CAPN13: variants seen among roughly 807,000 people sequenced by gnomAD.
CAPN13 encodes calpain-13.
In CAPN13, 90 loss-of-function variants were observed where a neutral mutation model predicts 98.4. The observed-to-expected ratio is 0.92, with a 90% CI of 0.77 to 1.09. The LOEUF (loss-of-function observed/expected upper bound fraction) is 1.09, where lower values mean the gene tolerates loss of function less well. Among genes scored for constraint, CAPN13 ranks in the 50% least tolerant of loss-of-function variants. The pLI is 0.00. For synonymous variants in CAPN13, 330 were observed against 305.5 expected (o/e 1.08, Z -0.84); for missense variants, 887 against 841.3 (o/e 1.05, Z -0.67).
chr2:30,758,982 T>A (rs111206634), intron 7 of CAPN13, among the ~76,000 whole-genome samples: 2,002 of 124,436 alleles, frequency 0.016, 42 homozygotes, highest in East Asian at 0.12. Context: ...TTTCCTTTCT[T>A]CCCCCCTTGC....
At chr2:30,746,440 G>A (rs904616487) in intron 11 of CAPN13, 1 of 154,216 alleles carries the variant, frequency 6.5e-6, no homozygotes, top group Non-Finnish European at 1.4e-5. Flanking sequence ...TTTTACAAAC[G>A]TTACTTATAT....
chr2:30,756,092 G>A (rs1209287012), intron 8 of CAPN13, among the ~76,000 whole-genome samples: 1 of 152,022 alleles, frequency 6.6e-6, no homozygotes, highest in Non-Finnish European at 1.5e-5. Flanking sequence ...AGATCCAACA[G>A]AACAGGTTCT....
chr2:30,725,685 C>A (rs61367478), intron 22 of CAPN13, among the ~76,000 whole-genome samples: 183 of 152,258 alleles, frequency 1.2e-3, no homozygotes, highest in African/African-American at 4.4e-3. Flanking sequence ...TGGATCGAAT[C>A]CTGGCTAACG....
intron 9 of CAPN13, among the ~76,000 whole-genome samples, chr2:30,753,921 C>A (rs1037504333): frequency 3.9e-5 from 6 of 152,156 alleles, no homozygotes; most frequent in African/African-American, 1.4e-4. Context: ...TTTTTGACGT[C>A]ATGCTAGAGG....
At chr2:30,747,597 G>A (rs1468677452) in intron 11 of CAPN13, among the ~76,000 whole-genome samples, 1 of 152,188 alleles carries the variant, frequency 6.6e-6, no homozygotes, top group East Asian at 1.9e-4. Flanking sequence ...AGGTCTGGTT[G>A]GACATAAAGC....
chr2:30,740,082 GTTTTTTTTTTT>G (rs143581068), intron 15 of CAPN13, among the ~76,000 whole-genome samples: 2 of 121,406 alleles, frequency 1.6e-5, no homozygotes, highest in African/African-American at 3.1e-5. Context: ...ATTGTATTAG[GTTTTTTTTTTT>G]TTTTTTTTTT....
Position 30,770,411 on chromosome 2 carries a change from A to G in CAPN13, c.426T>C (p.Asp142=). The G allele has an allele frequency of 1.2e-6, 2 of 1,614,032 alleles. No individual in the cohort carries two copies. Among genetic ancestry groups the G allele is most frequent in the African/African-American group, 1.3e-5 (1 of 75,076 alleles). ...QCGQWVEVVI[D]DRLPVQGDKC... is the part of the protein sequence containing the mutation. ...TATCTCCCTGGACAGGTAGGCGGTC[A>G]TCAATCACCACTTCCACCCACTGGC... is the stretch of plus-strand genomic sequence containing the variant. Residue 142 remains aspartate, a synonymous_variant, in exon 5 of 23, where the codon GAT becomes GAC. Coordinates refer to ENST00000295055, the MANE Select transcript of CAPN13 (RefSeq NM_144575.3).
chr2:30,758,963 TTC>T (rs144117237), intron 7 of CAPN13, among the ~76,000 whole-genome samples: 21,830 of 132,196 alleles, frequency 0.17, 2,034 homozygotes, highest in East Asian at 0.23. Context: ...CCCTCCTTCC[TTC>T]TGTTTCTTTC....
intron 7 of CAPN13, among the ~76,000 whole-genome samples, chr2:30,762,252 A>C (rs1479794466): frequency 1.3e-5 from 2 of 152,192 alleles, no homozygotes; most frequent in African/African-American, 4.8e-5. Context: ...GTTGTGCTTC[A>C]GTAGTATTTT....
intron 1 of CAPN13, among the ~76,000 whole-genome samples, chr2:30,799,720 G>A (rs974170178): frequency 6.6e-6 from 1 of 152,036 alleles, no homozygotes; most frequent in Non-Finnish European, 1.5e-5. Context: ...ATCCACCGAG[G>A]GCCAGGGAAG....
At position 30,753,181 on chromosome 2, in the gene CAPN13, A is replaced by G. The variant is rs746793788; in HGVS notation, c.959T>C (p.Phe320Ser). ...AAACATGGCGATGAATTTCTGTTGGAAATCTTGACACGACATCCTGTTAAA... is the reference window on the plus strand; with the variant it reads ...AAACATGGCGATGAATTTCTGTTGGGAATCTTGACACGACATCCTGTTAAA... ...DGEFWMSCQDFQQKFIAMFIC... is the reference protein window; with the variant it reads ...DGEFWMSCQDSQQKFIAMFIC... Residue 320 changes from phenylalanine (F) to serine (S), a missense_variant, in exon 10 of 23, where the codon TTC becomes TCC. Phe to Ser is a radical substitution (Grantham distance 155, BLOSUM62 -2). Coordinates refer to ENST00000295055, the MANE Select transcript of CAPN13 (RefSeq NM_144575.3). 9.3e-6 allele frequency: 15 copies of G among 1,614,048 alleles called. No individual in the cohort carries two copies. The Admixed American group carries it at 2.5e-4, about 27-fold the overall frequency.
chr2:30,771,252 C>T (rs1558326695), intron 4 of CAPN13, among the ~76,000 whole-genome samples: 2 of 152,194 alleles, frequency 1.3e-5, no homozygotes, highest in Non-Finnish European at 2.9e-5. Flanking sequence ...CCCCTGTGTA[C>T]GAGAAGCAGC....
At chr2:30,724,086 G>A (rs752120107) in intron 22 of CAPN13, among the ~76,000 whole-genome samples, 91 of 152,206 alleles carry the variant, frequency 6.0e-4, no homozygotes, top group African/African-American at 2.0e-3. Context: ...ATGGGGTGGG[G>A]TTGCTTCTAA....
intron 12 of CAPN13, 27 bp downstream of exon 12, chr2:30,745,696 C>G (rs1162482006): frequency 6.3e-7 from 1 of 1,596,194 alleles, no homozygotes; most frequent in African/African-American, 1.3e-5. Flanking sequence ...AGCAGAGGCG[C>G]AGGGCAAGGA....
At position 30,738,259 on chromosome 2, in the gene CAPN13, G is replaced by A. The variant is rs558727209; in HGVS notation, c.1629C>T (p.Cys543=). 1 of 1,613,992 alleles carries A rather than the reference G, an allele frequency of 6.2e-7. No homozygotes were observed. Among genetic ancestry groups the A allele is most frequent in the Non-Finnish European group, 8.5e-7 (1 of 1,179,876 alleles). ...PPGDMFSLDE[C]RSLVALMELK... ...CTTCCATCAGAGCCACCAAGCTGCG[G>A]CACTCATCTAAGGAGAACATGTCCC... The change falls in exon 17 of 23, where the codon TGC becomes TGT. Residue 543 remains cysteine (C), a synonymous_variant. Transcript: ENST00000295055.
At chr2:30,790,049 G>A (rs1674523847) in intron 1 of CAPN13, among the ~76,000 whole-genome samples, 1 of 152,218 alleles carries the variant, frequency 6.6e-6, no homozygotes, top group African/African-American at 2.4e-5. Flanking sequence ...GATGGGGAAG[G>A]GAGAAGCAGG....
intron 2 of CAPN13, among the ~76,000 whole-genome samples, chr2:30,778,629 T>C (rs988691513): frequency 2.0e-5 from 3 of 152,214 alleles, no homozygotes; most frequent in African/African-American, 7.2e-5. Context: ...ATGTGCCTTG[T>C]AGAACCTGCC....
At chr2:30,776,860 G>A (rs1014512752) in intron 3 of CAPN13, among the ~76,000 whole-genome samples, 2 of 152,206 alleles carry the variant, frequency 1.3e-5, no homozygotes, top group African/African-American at 4.8e-5. Flanking sequence ...CCAGTTAGGT[G>A]AAACTCCAAC....
At chr2:30,729,341 C>G (rs1245001813) in intron 22 of CAPN13, among the ~76,000 whole-genome samples, 2 of 152,164 alleles carry the variant, frequency 1.3e-5, no homozygotes, top group African/African-American at 4.8e-5. Flanking sequence ...GACAATGCCT[C>G]TAATATTATC....
Sources: allele counts gnomAD v4.1 joint callset (sites outside exome capture counted in the v4.1 genomes callset), GRCh38; gene constraint gnomAD v4.1.1; transcripts MANE v1.5; gene names NCBI Gene and HGNC (gene_info 2026-07-23, HGNC 2026-07-21).